The following CSMD1 variants were observed in gnomAD, a reference collection of about 807,000 sequenced individuals.
The protein encoded by CSMD1 is CUB and Sushi multiple domains 1.
CSMD1 carries 213 observed loss-of-function variants against 417.5 expected under a neutral mutation model. That is an observed-to-expected ratio of 0.51 (90% confidence interval 0.46 to 0.57). CSMD1 has a LOEUF of 0.57. Ranked by LOEUF, CSMD1 falls within the 20% of genes least tolerant of loss-of-function variation. CSMD1 has a pLI of 0.00. For missense variants in CSMD1, 6,923 were observed against 4,529.7 expected, an observed-to-expected ratio of 1.53 and a Z score of -15.17; for synonymous variants, 2,862 against 1,736.8, an observed-to-expected ratio of 1.65 and a Z score of -16.11.
In CSMD1 at chr8:3,524,010, T is replaced by C. The variant is rs536673492; in HGVS notation, c.1345-30284A>G. ...ACACCCAGAGACACATATGCACACATGTGCACGTGCACACACACACACATG... is the reference window on the plus strand; with the variant it reads ...ACACCCAGAGACACATATGCACACACGTGCACGTGCACACACACACACATG... On this transcript the variant is annotated intron_variant, in intron 10 of 69. Transcript: ENST00000635120. 5.2e-5 allele frequency among the ~76,000 whole-genome samples: 6 copies of C among 116,154 alleles called. No homozygotes were observed. In the South Asian group the frequency reaches 1.2e-3, roughly 24 times the overall value. 76.2% of individuals were successfully genotyped at this position (116,154 alleles called of 152,430 possible).
intron 19 of CSMD1, among the ~76,000 whole-genome samples, 194 bp from the exon 20 acceptor site, chr8:3,367,441 CAG>C (rs1809669373): frequency 6.7e-6 from 1 of 150,042 alleles, no homozygotes; most frequent in Non-Finnish European, 1.5e-5. Flanking sequence ...AGAGATGAGA[CAG>C]AGATGGAGAG....
At chr8:4,724,796 T>C (rs1563225516) in intron 1 of CSMD1, among the ~76,000 whole-genome samples, 2 of 152,236 alleles carry the variant, frequency 1.3e-5, no homozygotes, top group Non-Finnish European at 2.9e-5. Context: ...CCTTGTAGTA[T>C]GAATCAAGTT....
intron 5 of CSMD1, among the ~76,000 whole-genome samples, chr8:3,783,727 T>A (rs553842159): frequency 6.6e-6 from 1 of 152,172 alleles, no homozygotes; most frequent in South Asian, 2.1e-4. Flanking sequence ...AAGGTCTCAT[T>A]CTTACTCCTG....
At chr8:4,021,942 A>T (rs796585147) in intron 4 of CSMD1, among the ~76,000 whole-genome samples, 1 of 151,828 alleles carries the variant, frequency 6.6e-6, no homozygotes, top group African/African-American at 2.4e-5. Context: ...TTTGATCTTT[A>T]TTTTTTTCAA....
intron 23 of CSMD1, among the ~76,000 whole-genome samples, chr8:3,334,026 T>A (rs1807077193): frequency 6.6e-6 from 1 of 152,174 alleles, no homozygotes; most frequent in African/African-American, 2.4e-5. Flanking sequence ...CATGGACCCA[T>A]CGTGATGCCC....
At position 3,109,841 on chromosome 8, in the gene CSMD1, CCACA is replaced by C. The variant is rs925059334; in HGVS notation, c.6608+313_6608+316del. Among the ~76,000 whole-genome samples the C allele has an allele frequency of 2.6e-5, 4 of 151,540 alleles. 1 individual carries two copies. Among genetic ancestry groups the C allele is most frequent in the South Asian group, 2.1e-4 (1 of 4,776 alleles). ...CACAGACATACACAAGCCACACACA[CCACA>C]CAGACACACCCACAGAGACACACAT... On this transcript the variant is annotated intron_variant, in intron 43 of 69. Coordinates refer to ENST00000635120, the MANE Select transcript of CSMD1 (RefSeq NM_033225.6).
chr8:3,485,086 C>T (rs768992277), intron 11 of CSMD1, among the ~76,000 whole-genome samples: 1 of 152,182 alleles, frequency 6.6e-6, no homozygotes, highest in South Asian at 2.1e-4. Flanking sequence ...AATAAAAACT[C>T]ATGTTTACAT....
intron 2 of CSMD1, among the ~76,000 whole-genome samples, chr8:4,548,378 T>C (rs1024462995): frequency 6.6e-6 from 1 of 152,198 alleles, no homozygotes; most frequent in African/African-American, 2.4e-5. Flanking sequence ...TCATTGAATA[T>C]TCATGTTGTA....
chr8:3,733,553 G>A (rs868315840), intron 6 of CSMD1, among the ~76,000 whole-genome samples: 2 of 151,992 alleles, frequency 1.3e-5, no homozygotes, highest in African/African-American at 4.8e-5. Flanking sequence ...CAACTCTTAA[G>A]TTGTAAGTTG....
At chr8:3,362,002 G>C (rs1049721900) in intron 20 of CSMD1, among the ~76,000 whole-genome samples, 3 of 152,130 alleles carry the variant, frequency 2.0e-5, no homozygotes, top group East Asian at 3.9e-4. Flanking sequence ...CACAAGAAAA[G>C]TGTATTGCCT....
At chr8:4,517,288 G>T (rs1193433555) in intron 2 of CSMD1, among the ~76,000 whole-genome samples, 1 of 152,148 alleles carries the variant, frequency 6.6e-6, no homozygotes, top group Non-Finnish European at 1.5e-5. Context: ...AGTGATAAAA[G>T]CTGTATGTCG....
At chr8:4,052,358 G>C (rs777077404) in intron 3 of CSMD1, among the ~76,000 whole-genome samples, 1 of 152,188 alleles carries the variant, frequency 6.6e-6, no homozygotes, top group Non-Finnish European at 1.5e-5. Context: ...TAACACTCAC[G>C]TGTATGCTAT....
chr8:3,534,026 C>T (rs941152372), intron 10 of CSMD1, among the ~76,000 whole-genome samples: 13 of 152,152 alleles, frequency 8.5e-5, no homozygotes, highest in Admixed American at 3.3e-4. Context: ...GAAGAATATT[C>T]TATGAATAAA....
intron 1 of CSMD1, among the ~76,000 whole-genome samples, chr8:4,789,686 T>C (rs1039343123): frequency 3.3e-5 from 5 of 152,198 alleles, no homozygotes; most frequent in African/African-American, 1.2e-4. Context: ...TGTTCCAGAA[T>C]GTACTTATTT....
At chr8:3,834,646 T>C (rs964178152) in intron 5 of CSMD1, among the ~76,000 whole-genome samples, 6 of 152,120 alleles carry the variant, frequency 3.9e-5, no homozygotes, top group African/African-American at 1.4e-4. Flanking sequence ...TTTTAGTAAA[T>C]TATCAAACCT....
At chr8:4,377,111 A>G (rs1004669386) in intron 3 of CSMD1, among the ~76,000 whole-genome samples, 6 of 152,136 alleles carry the variant, frequency 3.9e-5, no homozygotes, top group African/African-American at 1.4e-4. Flanking sequence ...CTAAATTTTC[A>G]TATAGAGCCA....
At chr8:4,764,536 G>A (rs1275118912) in intron 1 of CSMD1, among the ~76,000 whole-genome samples, 1 of 151,998 alleles carries the variant, frequency 6.6e-6, no homozygotes, top group African/African-American at 2.4e-5. Context: ...TAAGTGTTCT[G>A]CCCAAATTGG....
Position 3,732,020 on chromosome 8 carries a change from G to A in CSMD1, c.931+21910C>T, listed in dbSNP as rs187973323. ...AGCAACATTGTAAGAAGAGCAGAAT[G>A]CATGCTCTCCACATTTTTTAGACAA... is the stretch of plus-strand genomic sequence containing the variant. On this transcript the variant is annotated intron_variant, in intron 6 of 69. Coordinates refer to ENST00000635120, the MANE Select transcript of CSMD1 (RefSeq NM_033225.6). 4.0e-5 allele frequency among the ~76,000 whole-genome samples: 6 copies of A among 149,502 alleles called. No homozygotes were observed. In the East Asian group the frequency reaches 7.8e-4, roughly 20 times the overall value.
chr8:3,282,926 T>C (rs1470819976), intron 26 of CSMD1, among the ~76,000 whole-genome samples: 1 of 152,212 alleles, frequency 6.6e-6, no homozygotes, highest in Non-Finnish European at 1.5e-5. Context: ...TGTTTTATGA[T>C]GATGGCTGAC....
Sources: allele counts gnomAD v4.1 joint callset (sites outside exome capture counted in the v4.1 genomes callset), GRCh38; gene constraint gnomAD v4.1.1; transcripts MANE v1.5; gene names NCBI Gene and HGNC (gene_info 2026-07-23, HGNC 2026-07-21).